TMEM71: variants seen among roughly 807,000 people sequenced by gnomAD.
The protein encoded by TMEM71 is transmembrane protein 71.
Under a neutral mutation model 38.0 loss-of-function variants are expected in TMEM71, and 44 were observed. The observed-to-expected ratio is 1.16, with a 90% CI of 0.91 to 1.49. The LOEUF (loss-of-function observed/expected upper bound fraction) is 1.49. TMEM71 is among the 40% of genes most tolerant of loss of function. The pLI is 0.00. For synonymous variants in TMEM71, 133 were observed against 122.5 expected, an observed-to-expected ratio of 1.09 and a Z score of -0.56; for missense variants, 367 against 348.6, an observed-to-expected ratio of 1.05 and a Z score of -0.42.
At chr8:132,723,407 T>C (rs969359616) in intron 6 of TMEM71, among the ~76,000 whole-genome samples, 1 of 152,178 alleles carries the variant, frequency 6.6e-6, no homozygotes, top group African/African-American at 2.4e-5. Context: ...AGATATGAGT[T>C]GTGTGATTTG....
rs1563744562 is a variant in TMEM71, at chr8:132,722,057, G to A, written c.735C>T (p.Ile245=). ...FQAILLAVCL[I]ISACARWFMG... is the part of the protein sequence containing the mutation. ...TGAATTACCTTGCACATGCAGAAAT[G>A]ATTAAGCACACAGCAAGCAGGATTG... Residue 245 remains isoleucine (I), a synonymous_variant, in exon 7 of 10, where the codon ATC becomes ATT. Transcript: ENST00000677595. The A allele has an allele frequency of 3.7e-6, 6 of 1,613,784 alleles. No homozygotes were observed. The highest frequency in any genetic ancestry group is 5.1e-6 in the Non-Finnish European group (6 of 1,179,796).
the TMEM71 span, among the ~76,000 whole-genome samples, chr8:132,774,868 A>C: frequency 6.6e-6 from 1 of 152,236 alleles, no homozygotes; most frequent in Non-Finnish European, 1.5e-5. Context: ...TATTGTAAAG[A>C]TCTCCAAGAC....
chr8:132,746,430 T>TATATATAC (rs1554619172), intron 5 of TMEM71, among the ~76,000 whole-genome samples: 2 of 141,538 alleles, frequency 1.4e-5, no homozygotes, highest in African/African-American at 5.3e-5. Context: ...TATATATACA[T>TATATATAC]ATATATATAC....
At chr8:132,756,434 T>TATAC (rs1428503232) in intron 3 of TMEM71, among the ~76,000 whole-genome samples, 1 of 144,734 alleles carries the variant, frequency 6.9e-6, no homozygotes, top group African/African-American at 2.5e-5. Flanking sequence ...TATATATATA[T>TATAC]ATATATATTC....
At position 132,751,994 on chromosome 8, in the gene TMEM71, G is replaced by A; in HGVS notation, c.105C>T (p.Phe35=). The A allele has an allele frequency of 6.2e-7, 1 of 1,613,776 alleles. No homozygotes were observed. Among genetic ancestry groups the A allele is most frequent in the Non-Finnish European group, 8.5e-7 (1 of 1,179,810 alleles). Residue 35 remains phenylalanine, a synonymous_variant, in exon 4 of 10, where the codon TTC becomes TTT. Transcript: ENST00000677595. ...ELSPTCIFPS[F]TCDSLDGYHS... ...GGTAACCATCCAGGGAATCACAGGT[G>A]AAACTAAGAAGGAAAAGATAACGCA... is the stretch of plus-strand genomic sequence containing the variant.
chr8:132,751,955 G>A lies in TMEM71; in HGVS notation c.144C>T (p.Cys48=), dbSNP rs778255235. ...AGCCTGTCAGGGGATCTATGGAGCC[G>A]CATTCAAAAGAATGGTAACCATCCA... ...DSLDGYHSFE[C]GSIDPLTGSH... Residue 48 remains cysteine, a synonymous_variant, in exon 4 of 10, where the codon TGC becomes TGT. Transcript: ENST00000677595. 4.3e-5 allele frequency: 69 copies of A among 1,613,962 alleles called. No homozygotes were observed. The highest frequency in any genetic ancestry group is 3.1e-4 in the South Asian group (28 of 91,088).
chr8:132,739,040 A>T (rs989797845), intron 5 of TMEM71, among the ~76,000 whole-genome samples: 3 of 152,202 alleles, frequency 2.0e-5, no homozygotes, highest in Middle Eastern at 3.2e-3. Flanking sequence ...ACATTTTGTG[A>T]ATCAAAGTTA....
At chr8:132,738,311 C>A (rs1827856103) in intron 5 of TMEM71, among the ~76,000 whole-genome samples, 1 of 152,198 alleles carries the variant, frequency 6.6e-6, no homozygotes, top group African/African-American at 2.4e-5. Flanking sequence ...TATCTTCCAG[C>A]CCTTGGTGAC....
chr8:132,759,426 G>GT (rs1829209403), intron 1 of TMEM71: 1 of 152,130 alleles, frequency 6.6e-6, no homozygotes, highest in African/African-American at 2.4e-5. Context: ...GATTTTAATA[G>GT]TTTTTATCAG....
intron 5 of TMEM71, among the ~76,000 whole-genome samples, chr8:132,737,933 A>T (rs1045314395): frequency 6.6e-6 from 1 of 152,214 alleles, no homozygotes; most frequent in African/African-American, 2.4e-5. Context: ...TTATGTTTCC[A>T]AACCTCTACT....
chr8:132,767,313 T>G, the TMEM71 span, among the ~76,000 whole-genome samples: 1 of 152,176 alleles, frequency 6.6e-6, no homozygotes, highest in Non-Finnish European at 1.5e-5. Context: ...AAGATAACTT[T>G]GAAATTTTTA....
intron 7 of TMEM71, among the ~76,000 whole-genome samples, chr8:132,721,508 T>C (rs528233881): frequency 6.6e-6 from 1 of 151,930 alleles, no homozygotes; most frequent in African/African-American, 2.4e-5. Flanking sequence ...GTACACTGGG[T>C]TTTGTATGCT....
upstream of TMEM71, among the ~76,000 whole-genome samples, chr8:132,762,790 T>A (rs1051785738): frequency 2.0e-5 from 3 of 152,198 alleles, no homozygotes; most frequent in Non-Finnish European, 2.9e-5. Context: ...AGTGTAATGA[T>A]CATATCCAAC....
At chr8:132,765,550 G>C (rs538681391), upstream of TMEM71, among the ~76,000 whole-genome samples, 95 of 152,200 alleles carry the variant, frequency 6.2e-4, no homozygotes, top group African/African-American at 2.2e-3. Context: ...GTGGATTCCA[G>C]TTTTCCCTGC....
intron 5 of TMEM71, among the ~76,000 whole-genome samples, chr8:132,734,310 A>G (rs907936015): frequency 1.3e-5 from 2 of 152,272 alleles, no homozygotes; most frequent in African/African-American, 4.8e-5. Context: ...CACATGAAAT[A>G]TGTGCAGTTC....
chr8:132,740,739 C>T (rs1357483017), intron 5 of TMEM71, among the ~76,000 whole-genome samples: 1 of 152,168 alleles, frequency 6.6e-6, no homozygotes, highest in Non-Finnish European at 1.5e-5. Flanking sequence ...GCCACACGGA[C>T]CTTTGAAAAG....
At chr8:132,753,982 C>T (rs1563756947) in intron 3 of TMEM71, among the ~76,000 whole-genome samples, 1 of 152,084 alleles carries the variant, frequency 6.6e-6, no homozygotes, top group Non-Finnish European at 1.5e-5. Context: ...ACTAAAAGCC[C>T]TCCAGTTCAT....
chr8:132,708,679 T>A (rs1272616834), downstream of TMEM71, among the ~76,000 whole-genome samples: 2 of 152,210 alleles, frequency 1.3e-5, no homozygotes, highest in African/African-American at 4.8e-5. Flanking sequence ...GATTACCTTA[T>A]GTGGCAAAAG....
intron 5 of TMEM71, among the ~76,000 whole-genome samples, chr8:132,731,053 A>G (rs1018244805): frequency 2.6e-5 from 4 of 152,326 alleles, no homozygotes; most frequent in African/African-American, 9.6e-5. Context: ...AGACTGAAAC[A>G]TACATTCTAA....
Sources: gnomAD v4.1 joint callset for allele counts (sites outside exome capture counted in the v4.1 genomes callset) on GRCh38, gnomAD v4.1.1 for gene constraint, MANE v1.5 for transcripts, NCBI Gene and HGNC (gene_info 2026-07-23, HGNC 2026-07-21) for gene names.